Variants in LUC7L2 observed in about 807,000 individuals in gnomAD.
The protein encoded by LUC7L2 is putative RNA-binding protein Luc7-like 2.
Under a neutral mutation model 52.8 loss-of-function variants are expected in LUC7L2, and 25 were observed. The observed-to-expected ratio is 0.47, with a 90% CI of 0.34 to 0.66. The LOEUF (loss-of-function observed/expected upper bound fraction) is 0.66, where lower values mean the gene tolerates loss of function less well. Among genes scored for constraint, LUC7L2 ranks in the 30% least tolerant of loss-of-function variants. The pLI is 0.01. For synonymous variants in LUC7L2, 144 were observed against 160.9 expected (o/e 0.89, Z 0.80); for missense variants, 328 against 497.8 (o/e 0.66, Z 3.25).
At chr7:139,349,021 A>ACTTTGTAG (rs113073815) in intron 1 of LUC7L2, among the ~76,000 whole-genome samples, 1 of 151,448 alleles carries the variant, frequency 6.6e-6, no homozygotes, top group African/African-American at 2.4e-5. Flanking sequence ...AACTAGCCAG[A>ACTTTGTAG]CACACGCAAG....
At chr7:139,393,123 C>T (rs1794516369) in intron 2 of LUC7L2, among the ~76,000 whole-genome samples, 2 of 151,992 alleles carry the variant, frequency 1.3e-5, no homozygotes, top group Non-Finnish European at 2.9e-5. Flanking sequence ...AAAAATTAGC[C>T]AGGTGTGGTG....
intron 2 of LUC7L2, among the ~76,000 whole-genome samples, chr7:139,384,464 T>C (rs1017771387): frequency 3.3e-5 from 5 of 152,192 alleles, no homozygotes; most frequent in Non-Finnish European, 7.3e-5. Context: ...TGTGTTCTTA[T>C]TTTAAGCAGA....
intron 8 of LUC7L2, among the ~76,000 whole-genome samples, chr7:139,415,834 A>T (rs1401240650): frequency 6.6e-6 from 1 of 151,768 alleles, no homozygotes; most frequent in African/African-American, 2.4e-5. Flanking sequence ...GGCTAAAGCT[A>T]CGTCCATGTC....
intron 9 of LUC7L2, among the ~76,000 whole-genome samples, chr7:139,418,105 A>G (rs1386015645): frequency 6.6e-6 from 1 of 152,142 alleles, no homozygotes; most frequent in Non-Finnish European, 1.5e-5. Context: ...GCTTTGATTT[A>G]TTGTTTTCTA....
In LUC7L2 at chr7:139,423,074, T is replaced by C; in HGVS notation, c.*734T>C. 1 of 398,820 alleles carries C rather than the reference T, an allele frequency of 2.5e-6. No individual in the cohort carries two copies. Among genetic ancestry groups the C allele is most frequent in the Non-Finnish European group, 4.4e-6 (1 of 225,926 alleles). 24.7% of individuals were successfully genotyped at this position (398,820 alleles called of 1,614,324 possible). On this transcript the variant is annotated 3_prime_UTR_variant, in exon 10 of 10. Transcript: ENST00000354926. ...ACTCTTTTCGTAATAAGCACTTGTT[T>C]TATTTTGTGTGTGTGGAGTATAAAG...
At chr7:139,399,250 A>G (rs752401876) in intron 3 of LUC7L2, among the ~76,000 whole-genome samples, 2 of 151,988 alleles carry the variant, frequency 1.3e-5, no homozygotes, top group African/African-American at 4.8e-5. Context: ...AACTGTTTAC[A>G]TAGCATTTAC....
intron 1 of LUC7L2, chr7:139,345,846 ATTTCATCT>A: frequency 1.1e-6 from 1 of 902,690 alleles, no homozygotes; most frequent in South Asian, 2.1e-5. Flanking sequence ...TTAACTGGAC[ATTTCATCT>A]TTACTCTCAG....
At chr7:139,415,068 T>TG (rs1569395489) in intron 8 of LUC7L2, among the ~76,000 whole-genome samples, 2 of 90,264 alleles carry the variant, frequency 2.2e-5, no homozygotes, top group African/African-American at 1.2e-4. Context: ...TTTTTTTTTT[T>TG]TTTTTTTTTT....
chr7:139,402,433 T>G (rs1351642285), intron 4 of LUC7L2, among the ~76,000 whole-genome samples, 186 bp downstream of exon 4: 1 of 152,230 alleles, frequency 6.6e-6, no homozygotes, highest in Non-Finnish European at 1.5e-5. Context: ...TAAATTGACA[T>G]TGGTCTAATC....
chr7:139,354,454 C>T (rs752940238), intron 1 of LUC7L2, among the ~76,000 whole-genome samples: 6 of 152,042 alleles, frequency 3.9e-5, no homozygotes, highest in Admixed American at 2.6e-4. Flanking sequence ...CTCCGCCTTC[C>T]GGGTTCAAGC....
chr7:139,351,349 A>G (rs1452497628), intron 1 of LUC7L2, among the ~76,000 whole-genome samples: 1 of 152,234 alleles, frequency 6.6e-6, no homozygotes, highest in Non-Finnish European at 1.5e-5. Flanking sequence ...CAGAAATCTA[A>G]GTTATTCTTT....
chr7:139,351,973 C>A (rs1799471604), intron 1 of LUC7L2, among the ~76,000 whole-genome samples: 1 of 151,760 alleles, frequency 6.6e-6, no homozygotes, highest in Admixed American at 6.6e-5. Flanking sequence ...GATGGGAGGA[C>A]TGCTTGAGGC....
rs1003554205 is a variant in LUC7L2, at chr7:139,422,960, T to A, written c.*620T>A. On this transcript the variant is annotated 3_prime_UTR_variant, in exon 10 of 10. Transcript: ENST00000354926. ...AGCTGTTGCATTACATACTTTTGCT[T>A]TTTTATTGAAATTTTGAAATCAAAC... 4 of 398,886 alleles carry A rather than the reference T, an allele frequency of 1.0e-5. No homozygotes were observed. The highest frequency in any genetic ancestry group is 8.2e-5 in the African/African-American group (4 of 48,624). 24.7% of individuals were successfully genotyped at this position (398,886 alleles called of 1,614,324 possible).
intron 8 of LUC7L2, among the ~76,000 whole-genome samples, chr7:139,415,070 T>TTG (rs1569395507): frequency 7.0e-6 from 1 of 142,706 alleles, no homozygotes; most frequent in African/African-American, 2.6e-5. Context: ...TTTTTTTTTT[T>TTG]TTTTTTTTTT....
At chr7:139,340,765 C>T (rs1381173430) in intron 1 of LUC7L2, 2 of 372,152 alleles carry the variant, frequency 5.4e-6, no homozygotes, top group Non-Finnish European at 9.5e-6. Flanking sequence ...CGAGTCCCAT[C>T]TGGGGTGGCC....
chr7:139,378,016 C>A (rs903104668), intron 2 of LUC7L2, among the ~76,000 whole-genome samples: 1 of 151,416 alleles, frequency 6.6e-6, no homozygotes, highest in Non-Finnish European at 1.5e-5. Flanking sequence ...CTAGGTCTCA[C>A]CATGTTACCC....
At chr7:139,377,979 G>A (rs1585091297) in intron 2 of LUC7L2, among the ~76,000 whole-genome samples, 1 of 151,268 alleles carries the variant, frequency 6.6e-6, no homozygotes, top group African/African-American at 2.4e-5. Flanking sequence ...CACCATGCTC[G>A]GCTAATTTTT....
At chr7:139,399,538 C>T (rs561454329) in intron 3 of LUC7L2, among the ~76,000 whole-genome samples, 14 of 139,150 alleles carry the variant, frequency 1.0e-4, no homozygotes, top group Middle Eastern at 4.5e-3. Context: ...GGCCCAATCT[C>T]GGCTCACTGC....
At chr7:139,377,819 G>A (rs192086146) in intron 2 of LUC7L2, among the ~76,000 whole-genome samples, 3,150 of 144,266 alleles carry the variant, frequency 0.022, 49 homozygotes, top group Middle Eastern at 0.045. Flanking sequence ...GAGCTACCGC[G>A]CCTGGCTTTT....
Sources: gnomAD v4.1 joint callset for allele counts (sites outside exome capture counted in the v4.1 genomes callset) on GRCh38, gnomAD v4.1.1 for gene constraint, MANE v1.5 for transcripts, NCBI Gene and HGNC (gene_info 2026-07-23, HGNC 2026-07-21) for gene names.